The following FRMPD3 variants were observed in gnomAD, a reference collection of about 807,000 sequenced individuals.
The protein encoded by FRMPD3 is FERM and PDZ domain containing 3, also known as FERM and PDZ domain-containing protein 3.
In FRMPD3, 42 loss-of-function variants were observed where a neutral mutation model predicts 97.9. That is an observed-to-expected ratio of 0.43 (90% CI 0.34 to 0.55). The LOEUF (loss-of-function observed/expected upper bound fraction) is 0.55. FRMPD3 is among the 20% of genes least tolerant of loss of function. FRMPD3 has a pLI of 0.03. For missense variants in FRMPD3, 1,303 were observed against 1,457.7 expected (o/e 0.89, Z 1.73); for synonymous variants, 577 against 581.1 (o/e 0.99, Z 0.10).
intron 13 of FRMPD3, among the ~76,000 whole-genome samples, chrX:107,577,706 A>G (rs1451970154): frequency 9.0e-6 from 1 of 110,777 alleles, no homozygotes; most frequent in Non-Finnish European, 1.9e-5. Context: ...GGTGTTTGAG[A>G]GCAGACACAT....
At chrX:107,548,282 T>C (rs758341125) in intron 5 of FRMPD3, among the ~76,000 whole-genome samples, 3 of 112,699 alleles carry the variant, frequency 2.7e-5, no homozygotes, top group Non-Finnish European at 3.7e-5. Context: ...ACAACAAGAA[T>C]TTAAGACTGG....
intron 1 of FRMPD3, among the ~76,000 whole-genome samples, chrX:107,519,594 C>T (rs1163994155): frequency 1.8e-5 from 2 of 111,866 alleles, no homozygotes; most frequent in Non-Finnish European, 3.8e-5. Flanking sequence ...GGAAAAATCA[C>T]ATGTGACTGG....
Position 107,475,033 on chromosome X carries a change from G to A in FRMPD3, c.-8+25028G>A, listed in dbSNP as rs180744753. 3.6e-5 allele frequency among the ~76,000 whole-genome samples: 4 copies of A among 111,668 alleles called. No homozygotes were observed. In the East Asian group the frequency reaches 1.1e-3, roughly 31 times the overall value. On this transcript the variant is annotated intron_variant, in intron 1 of 14. Transcript: ENST00000683843. ...CTATCAGGCCCACCTCCAACAGGGG[G>A]ACCAGCTCTGAATTTAGAGTAGAGA... is the stretch of plus-strand genomic sequence containing the variant.
Position 107,526,725 on chromosome X carries a change from C to A in FRMPD3, c.137C>A (p.Ser46Tyr), listed in dbSNP as rs1922712488. Reference protein sequence around the residue: ...AGSERPVVVRSVRPGGPSENK... With the variant: ...AGSERPVVVRYVRPGGPSENK... ...AGTGAGAGGCCTGTGGTGGTTCGAT[C>A]TGTGAGGCCAGGTAGGTGTCCCTCA... is the stretch of plus-strand genomic sequence containing the variant. Residue 46 changes from serine to tyrosine, a missense_variant, in exon 2 of 15, where the codon TCT (serine) becomes TAT (tyrosine). Physicochemically the swap from Ser to Tyr is moderately radical, Grantham distance 144. This residue lies in a region of FRMPD3 where 535 missense variants were observed against 618.6 expected (regional missense o/e 0.86). Transcript: ENST00000683843. The A allele has an allele frequency of 1.7e-6, 2 of 1,197,946 alleles. No individual in the cohort carries two copies. The highest frequency in any genetic ancestry group is 2.2e-6 in the Non-Finnish European group (2 of 889,556).
rs181296196 is a variant in FRMPD3, at chrX:107,514,594, C to T, written c.-7-11988C>T. ...AGGCTGGAGTGCAGTGGTGCGATCT[C>T]GGCTCACTGCAACCTCTGCCTCCTG... On this transcript the variant is annotated intron_variant, in intron 1 of 14. Transcript: ENST00000683843. Among the ~76,000 whole-genome samples, 64 of 105,789 alleles carry T rather than the reference C, an allele frequency of 6.0e-4. No individual in the cohort carries two copies. In the East Asian group the frequency reaches 6.8e-3, roughly 11 times the overall value. The allele number at this position is 105,789 out of a possible 115,157, so 91.9% of individuals were successfully genotyped here. A position where few individuals can be genotyped will look rare whatever the true frequency, so the allele number is the denominator to read the frequency against.
rs746896725 is a variant in FRMPD3, at chrX:107,483,920, G to A, written c.-8+33915G>A. On this transcript the variant is annotated intron_variant, in intron 1 of 14. Coordinates refer to ENST00000683843, the MANE Select transcript of FRMPD3 (RefSeq NM_001388459.1). ...ACATATACACTGGGTGTGCAAGGGG[G>A]GTGACAGTGGCCAGGGGCTCTCAGC... is the stretch of plus-strand genomic sequence containing the variant. Among the ~76,000 whole-genome samples the A allele has an allele frequency of 7.2e-5, 8 of 111,699 alleles. No homozygotes were observed. The South Asian group carries it at 3.0e-3, about 42-fold the overall frequency.
chrX:107,499,072 A>G (rs1424769561), intron 1 of FRMPD3, among the ~76,000 whole-genome samples: 1 of 110,541 alleles, frequency 9.0e-6, no homozygotes, highest in Admixed American at 9.6e-5. Flanking sequence ...CCAGGGATAC[A>G]GTGAACAAGA....
intron 8 of FRMPD3, 48 bp downstream of exon 8, chrX:107,554,552 C>G: frequency 8.5e-7 from 1 of 1,177,564 alleles, no homozygotes; most frequent in Non-Finnish European, 1.1e-6. Context: ...GACAAAGAAG[C>G]AGGCAGGCTG....
At position 107,484,129 on chromosome X, in the gene FRMPD3, G is replaced by C. The variant is rs1452629337; in HGVS notation, c.-8+34124G>C. Among the ~76,000 whole-genome samples, 3 of 112,001 alleles carry C rather than the reference G, an allele frequency of 2.7e-5. No individual in the cohort carries two copies. In the East Asian group the frequency reaches 8.5e-4, roughly 32 times the overall value. On this transcript the variant is annotated intron_variant, in intron 1 of 14. Coordinates refer to ENST00000683843, the MANE Select transcript of FRMPD3 (RefSeq NM_001388459.1). The stretch of plus-strand genomic sequence containing the variant: ...GATCAGAGTAGCTCCTTCTGGCTAC[G>C]CTCGAAGCCCACTGCCCCCACTTTC...
At chrX:107,525,636 C>A in intron 1 of FRMPD3, 1 of 559,294 alleles carries the variant, frequency 1.8e-6, no homozygotes, top group South Asian at 2.2e-5. Flanking sequence ...TTCTGGCCAA[C>A]AGGAACTCTT....
intron 1 of FRMPD3, among the ~76,000 whole-genome samples, chrX:107,484,467 C>T (rs1285976125): frequency 8.9e-6 from 1 of 112,599 alleles, no homozygotes; most frequent in Non-Finnish European, 1.9e-5. Context: ...TCTGCCTCCT[C>T]CCTCCTCCCC....
chrX:107,477,196 A>G (rs1460944151), intron 1 of FRMPD3, among the ~76,000 whole-genome samples: 1 of 112,738 alleles, frequency 8.9e-6, no homozygotes. Flanking sequence ...AGTTTTGCCT[A>G]AGGATACTGG....
At chrX:107,582,966 A>G (rs1180703249) in intron 13 of FRMPD3, among the ~76,000 whole-genome samples, 2 of 112,329 alleles carry the variant, frequency 1.8e-5, no homozygotes, top group East Asian at 5.5e-4. Flanking sequence ...TATCATTATA[A>G]CAATATTGAT....
chrX:107,471,860 C>T (rs1189715786), intron 1 of FRMPD3, among the ~76,000 whole-genome samples: 1 of 112,247 alleles, frequency 8.9e-6, no homozygotes, highest in Non-Finnish European at 1.9e-5. Context: ...TTTCTAGATC[C>T]TTGAAGAATC....
At chrX:107,556,870 T>C (rs777674924) in intron 8 of FRMPD3, among the ~76,000 whole-genome samples, 1 of 112,424 alleles carries the variant, frequency 8.9e-6, no homozygotes, top group South Asian at 3.7e-4. Flanking sequence ...AATTCACCTG[T>C]TGATGAACAT....
At chrX:107,501,949 A>G (rs1373149844) in intron 1 of FRMPD3, among the ~76,000 whole-genome samples, 1 of 110,308 alleles carries the variant, frequency 9.1e-6, no homozygotes, top group African/African-American at 3.3e-5. Flanking sequence ...TGAACTTACT[A>G]CATAACATAT....
At position 107,455,928 on chromosome X, in the gene FRMPD3, A is replaced by C. The variant is rs1357300868; in HGVS notation, c.-8+5923A>C. 2.7e-5 allele frequency among the ~76,000 whole-genome samples: 3 copies of C among 111,926 alleles called. No homozygotes were observed. The Middle Eastern group carries it at 0.014, about 523-fold the overall frequency. On this transcript the variant is annotated intron_variant, in intron 1 of 14. Transcript: ENST00000683843. ...GTTGACTACTCAAATGAATGACTTC[A>C]TGAATAAGTGAAGGGATGAAGTTCA...
At chrX:107,542,430 A>G (rs190843606) in intron 4 of FRMPD3, among the ~76,000 whole-genome samples, 121 of 111,914 alleles carry the variant, frequency 1.1e-3, no homozygotes, top group African/African-American at 3.6e-3. Context: ...CTTGAAAAAA[A>G]TACTGATGCT....
At chrX:107,535,087 G>A (rs1923162362) in intron 4 of FRMPD3, among the ~76,000 whole-genome samples, 1 of 111,917 alleles carries the variant, frequency 8.9e-6, no homozygotes, top group South Asian at 3.7e-4. Context: ...AAACATGCTT[G>A]ATGTGTGGTT....
Sources: gnomAD v4.1 joint callset for allele counts (sites outside exome capture counted in the v4.1 genomes callset) on GRCh38, gnomAD v4.1.1 for gene constraint, gnomAD v4.1.1 regional missense constraint, MANE v1.5 for transcripts, NCBI Gene and HGNC (gene_info 2026-07-23, HGNC 2026-07-21) for gene names.